ITGA7: variants seen among roughly 807,000 people sequenced by gnomAD.
ITGA7 encodes the protein integrin subunit alpha 7, also known as integrin alpha-7.
In ITGA7, 84 loss-of-function variants were observed where a neutral mutation model predicts 131.6. The ratio of observed to expected loss-of-function variants is 0.64; its 90% CI spans 0.54 to 0.77. ITGA7 has a LOEUF of 0.77. Among genes scored for constraint, ITGA7 ranks in the 30% least tolerant of loss-of-function variants. ITGA7 has a pLI of 0.00. For synonymous variants in ITGA7, 548 were observed against 600.7 expected (o/e 0.91, Z 1.28); for missense variants, 1,399 against 1,482.9 (o/e 0.94, Z 0.93).
At position 55,693,614 on chromosome 12, in the gene ITGA7, C is replaced by T. The variant is rs186308447; in HGVS notation, c.2536-297G>A. ...CAAATACTCAGGATCCTAGACCCCA[C>T]CAGGCACCATTCTCTCCACCCACCA... On this transcript the variant is annotated intron_variant, in intron 19 of 24. Coordinates refer to ENST00000257879, the MANE Select transcript of ITGA7 (RefSeq NM_002206.3). 7.4e-4 allele frequency among the ~76,000 whole-genome samples: 112 copies of T among 152,182 alleles called. 1 individual carries two copies. The highest frequency in any genetic ancestry group is 2.6e-3 in the African/African-American group (107 of 41,530).
intron 21 of ITGA7, among the ~76,000 whole-genome samples, chr12:55,692,052 G>C (rs2135981609): frequency 6.6e-6 from 1 of 152,266 alleles, no homozygotes; most frequent in Admixed American, 6.5e-5. Context: ...AAGCAAAACT[G>C]CTCAAAAGGG....
Position 55,691,994 on chromosome 12 carries a change from T to C in ITGA7, c.2844+850A>G, listed in dbSNP as rs986503374. On this transcript the variant is annotated intron_variant, in intron 21 of 24. Coordinates refer to ENST00000257879, the MANE Select transcript of ITGA7 (RefSeq NM_002206.3). ...ACAGAGCATGTGCGGATCTGCTCAA[T>C]ACCTTCACCTAAACAACACAACTCT... is the stretch of plus-strand genomic sequence containing the variant. Among the ~76,000 whole-genome samples, 6 of 152,270 alleles carry C rather than the reference T, an allele frequency of 3.9e-5. 1 individual carries two copies. Among genetic ancestry groups the C allele is most frequent in the Admixed American group, 3.9e-4 (6 of 15,298 alleles).
At chr12:55,714,729 C>T (rs534081813), upstream of ITGA7, among the ~76,000 whole-genome samples, 1 of 149,528 alleles carries the variant, frequency 6.7e-6, no homozygotes. Context: ...CATATACATA[C>T]ATATATACAC....
chr12:55,704,254 C>T (rs17117895), intron 1 of ITGA7, among the ~76,000 whole-genome samples: 8,205 of 152,314 alleles, frequency 0.054, 269 homozygotes, highest in Middle Eastern at 0.088. Context: ...GGCAGTATTA[C>T]AGACAGGCAT....
At chr12:55,695,695 G>C in intron 13 of ITGA7, 58 bp from the exon 14 acceptor site, 1 of 1,152,664 alleles carries the variant, frequency 8.7e-7, no homozygotes, top group South Asian at 1.2e-5. Flanking sequence ...GGGCAAACCT[G>C]TCACCATGGC....
At chr12:55,716,063 G>T (rs1270114849), upstream of ITGA7, 4 of 1,561,260 alleles carry the variant, frequency 2.6e-6, no homozygotes, top group African/African-American at 1.4e-5. Flanking sequence ...TGGCCCCGGG[G>T]AGCCGAGGTG....
chr12:55,691,059 T>C (rs1310426277), intron 21 of ITGA7, among the ~76,000 whole-genome samples: 1 of 151,700 alleles, frequency 6.6e-6, no homozygotes, highest in Non-Finnish European at 1.5e-5. Flanking sequence ...GCATGGCACA[T>C]GTATACATAT....
In ITGA7 at chr12:55,699,109, T is replaced by C. The variant is rs546910971; in HGVS notation, c.791-192A>G. 3.3e-5 allele frequency among the ~76,000 whole-genome samples: 5 copies of C among 151,650 alleles called. No homozygotes were observed. The South Asian group carries it at 1.0e-3, about 31-fold the overall frequency. On this transcript the variant is annotated intron_variant, in intron 5 of 24. Transcript: ENST00000257879. ...CCAAGTCATCAGCACCACAGCTGGA[T>C]AGCTCTTCCTCCCCACAGGGCCTGG...
rs1013908051 is a variant in ITGA7, at chr12:55,703,522, C to G, written c.207-344G>C. Among the ~76,000 whole-genome samples, 7 of 152,206 alleles carry G rather than the reference C, an allele frequency of 4.6e-5. No individual in the cohort carries two copies. The South Asian group carries it at 8.3e-4, about 18-fold the overall frequency. On this transcript the variant is annotated intron_variant, in intron 1 of 24. Transcript: ENST00000257879. ...TTCCCAGCACCTGTTCCTGAGTAGGCCTTCCCTATCCCCTCCTTGGCCCCA... is the reference window on the plus strand; with the variant it reads ...TTCCCAGCACCTGTTCCTGAGTAGGGCTTCCCTATCCCCTCCTTGGCCCCA...
chr12:55,702,560 C>T (rs1193421715), intron 3 of ITGA7, among the ~76,000 whole-genome samples: 2 of 152,164 alleles, frequency 1.3e-5, no homozygotes, highest in Non-Finnish European at 2.9e-5. Flanking sequence ...GGTGATCCAC[C>T]TGCCTCGGCC....
At chr12:55,692,804 C>T (rs1228967882) in intron 21 of ITGA7, 40 bp downstream of exon 21, 2 of 1,573,780 alleles carry the variant, frequency 1.3e-6, no homozygotes, top group Non-Finnish European at 1.7e-6. Context: ...ACACGCAGCA[C>T]CCCGGAGCTC....
At chr12:55,714,235 G>A (rs1379692378), upstream of ITGA7, among the ~76,000 whole-genome samples, 5 of 150,504 alleles carry the variant, frequency 3.3e-5, no homozygotes, top group East Asian at 5.9e-4. Context: ...AAATTAGGCC[G>A]GGCGCGGTGG....
intron 12 of ITGA7, among the ~76,000 whole-genome samples, 150 bp downstream of exon 12, chr12:55,696,746 TGAG>T (rs1872708239): frequency 6.6e-6 from 1 of 152,064 alleles, no homozygotes; most frequent in African/African-American, 2.4e-5. Context: ...GGGCAGCAGA[TGAG>T]GAGGAAGTGA....
rs1592432574 is a variant in ITGA7 at position 55,694,672 on chromosome 12, A to G, written c.2220T>C (p.Asn740=). ...CACACTCAACATGGGAGGCATTCTC[A>G]TTGGACAGGCAGAGTGGCTTCTCCT... ...DPAEKPLCLS[N]ENASHVECEL... The change falls in exon 16 of 25, where the codon AAT becomes AAC. Residue 740 remains asparagine (N), a synonymous_variant. Transcript: ENST00000257879. The surrounding 1 kb of genome is among the most constrained non-coding windows in gnomAD (Gnocchi z 5.3). 1 of 1,610,672 alleles carries G rather than the reference A, an allele frequency of 6.2e-7. No homozygotes were observed. Among genetic ancestry groups the G allele is most frequent in the Admixed American group, 1.7e-5 (1 of 60,000 alleles).
At position 55,689,568 on chromosome 12, in the gene ITGA7, G is replaced by A. The variant is rs560150168; in HGVS notation, c.2845-611C>T. 4.6e-5 allele frequency among the ~76,000 whole-genome samples: 7 copies of A among 152,282 alleles called. No homozygotes were observed. The South Asian group carries it at 1.0e-3, about 23-fold the overall frequency. On this transcript the variant is annotated intron_variant, in intron 21 of 24. Transcript: ENST00000257879. ...CCATTTGGCCCAATCACCACCTCAC[G>A]ACCCATTTGCCTGAAAGTTATGTTA...
At chr12:55,705,782 T>C (rs1048950535) in intron 1 of ITGA7, among the ~76,000 whole-genome samples, 2 of 152,240 alleles carry the variant, frequency 1.3e-5, no homozygotes, top group Non-Finnish European at 2.9e-5. Context: ...ATATCCTTTT[T>C]ACAGTTGAGG....
chr12:55,690,641 T>C (rs1231985576), intron 21 of ITGA7, among the ~76,000 whole-genome samples: 1 of 147,232 alleles, frequency 6.8e-6, no homozygotes, highest in African/African-American at 2.5e-5. Flanking sequence ...CAAAGGACTA[T>C]AAATCATGCT....
chr12:55,706,351 GAAGA>G (rs984472904), intron 1 of ITGA7, among the ~76,000 whole-genome samples: 3 of 152,156 alleles, frequency 2.0e-5, no homozygotes, highest in African/African-American at 7.2e-5. Context: ...GATAATGGAA[GAAGA>G]AAGATTAGAG....
intron 3 of ITGA7, among the ~76,000 whole-genome samples, chr12:55,702,511 C>T (rs993087128): frequency 9.2e-5 from 14 of 152,032 alleles, no homozygotes; most frequent in Non-Finnish European, 8.8e-5. Context: ...GACAGGGTTT[C>T]GCCATGTTGG....
Sources: gnomAD v4.1 joint callset for allele counts (sites outside exome capture counted in the v4.1 genomes callset) on GRCh38, gnomAD v4.1.1 for gene constraint, Gnocchi (gnomAD v3.1) non-coding constraint, MANE v1.5 for transcripts, NCBI Gene and HGNC (gene_info 2026-07-23, HGNC 2026-07-21) for gene names.